MROH9: variants seen among roughly 807,000 people sequenced by gnomAD.
The protein encoded by MROH9 is maestro heat like repeat family member 9.
In MROH9, 92 loss-of-function variants were observed where a neutral mutation model predicts 98.2. The observed-to-expected ratio is 0.94, with a 90% CI of 0.79 to 1.11. MROH9 has a LOEUF of 1.11. Ranked by LOEUF, MROH9 falls within the 50% of genes most tolerant of loss-of-function variation. The probability of loss-of-function intolerance (pLI) is 0.00; values close to 1 mark genes in which losing one functional copy is unlikely to be tolerated. For missense variants in MROH9, 1,057 were observed against 1,014.8 expected (o/e 1.04, Z -0.57); for synonymous variants, 397 against 368.9 (o/e 1.08, Z -0.87).
chr1:170,996,406 C>T lies in MROH9; in HGVS notation c.1338-101C>T, dbSNP rs190929627. 3.7e-4 allele frequency: 500 copies of T among 1,346,916 alleles called. 1 individual carries two copies. Among genetic ancestry groups the T allele is most frequent in the Non-Finnish European group, 4.5e-4 (437 of 976,404 alleles). The allele number at this position is 1,346,916 out of a possible 1,614,324, so 83.4% of individuals were successfully genotyped here. A position where few individuals can be genotyped will look rare whatever the true frequency, so the allele number is the denominator to read the frequency against. ...CATTGAGACATCCCCTTTCTCAAAA[C>T]CTATATTCTGCCCAAGATGGGATTA... is the stretch of plus-strand genomic sequence containing the variant. On this transcript the variant is annotated intron_variant, in intron 13 of 21. Transcript: ENST00000367759.
chr1:171,017,279 G>A (rs1223385254), intron 17 of MROH9, among the ~76,000 whole-genome samples: 4 of 152,188 alleles, frequency 2.6e-5, no homozygotes, highest in South Asian at 2.1e-4. Flanking sequence ...ACTAGGCAGC[G>A]GGCATGACCC....
At chr1:171,024,318 G>GTT (rs1271111187) in intron 17 of MROH9, 77 bp from the exon 18 acceptor site, 5 of 953,922 alleles carry the variant, frequency 5.2e-6, no homozygotes, top group Non-Finnish European at 8.2e-6. Flanking sequence ...GTGTGTGTGT[G>GTT]TGTGTGTGTG....
chr1:170,935,982 CAAAAAA>C (rs59883013), intron 1 of MROH9, among the ~76,000 whole-genome samples: 219 of 62,226 alleles, frequency 3.5e-3, no homozygotes, highest in Non-Finnish European at 4.5e-3. Context: ...CAGAGTGAGA[CAAAAAA>C]AAAAAAAAAA....
chr1:170,986,772 T>G, intron 10 of MROH9, 62 bp downstream of exon 10: 1 of 1,502,834 alleles, frequency 6.7e-7, no homozygotes, highest in African/African-American at 1.4e-5. Flanking sequence ...CATTTTTGCC[T>G]GTGTTGTATG....
chr1:170,976,627 A>T (rs866261899), intron 8 of MROH9, among the ~76,000 whole-genome samples: 2 of 152,216 alleles, frequency 1.3e-5, no homozygotes, highest in Middle Eastern at 6.8e-3. Context: ...TGTGCCTGTA[A>T]TCCCAGCTAC....
intron 8 of MROH9, among the ~76,000 whole-genome samples, chr1:170,973,648 G>A (rs931133742): frequency 6.6e-6 from 1 of 152,144 alleles, no homozygotes; most frequent in African/African-American, 2.4e-5. Context: ...GGCCGAGGCG[G>A]GCAGATCACC....
chr1:170,971,950 G>T (rs1650477867), intron 8 of MROH9, 67 bp downstream of exon 8: 1 of 1,527,386 alleles, frequency 6.5e-7, no homozygotes, highest in East Asian at 2.3e-5. Context: ...CAACTTATAG[G>T]TCCTGGGAAG....
At chr1:171,033,919 G>A (rs1653012725) in intron 20 of MROH9, among the ~76,000 whole-genome samples, 1 of 151,848 alleles carries the variant, frequency 6.6e-6, no homozygotes, top group African/African-American at 2.4e-5. Context: ...CTGAGATAAG[G>A]AATCATTTTT....
At chr1:171,006,628 C>A (rs995737563) in intron 15 of MROH9, among the ~76,000 whole-genome samples, 1 of 151,520 alleles carries the variant, frequency 6.6e-6, no homozygotes, top group Non-Finnish European at 1.5e-5. Flanking sequence ...TAATAGTGTC[C>A]CTTACATCCC....
intron 4 of MROH9, 32 bp from the exon 5 acceptor site, chr1:170,959,430 C>T: frequency 6.4e-7 from 1 of 1,552,340 alleles, no homozygotes; most frequent in Non-Finnish European, 8.7e-7. Flanking sequence ...TTTGTTTTCT[C>T]ATCATTAATA....
intron 8 of MROH9, among the ~76,000 whole-genome samples, chr1:170,981,588 A>G (rs1236566420): frequency 6.6e-6 from 1 of 152,008 alleles, no homozygotes; most frequent in East Asian, 1.9e-4. Flanking sequence ...GAGGGGAACA[A>G]CACACACCAG....
At chr1:171,059,036 A>G (rs1653936424) in intron 20 of MROH9, among the ~76,000 whole-genome samples, 1 of 152,252 alleles carries the variant, frequency 6.6e-6, no homozygotes, top group Non-Finnish European at 1.5e-5. Flanking sequence ...AGAAACTATC[A>G]TTAGGGTGAA....
intron 20 of MROH9, among the ~76,000 whole-genome samples, chr1:171,035,975 A>G (rs1653086219): frequency 6.6e-6 from 1 of 152,204 alleles, no homozygotes; most frequent in Non-Finnish European, 1.5e-5. Context: ...AAGCAGCATT[A>G]CTAGTTATAA....
chr1:171,062,419 G>A (rs1416677919), intron 21 of MROH9, among the ~76,000 whole-genome samples: 2 of 152,106 alleles, frequency 1.3e-5, no homozygotes, highest in Non-Finnish European at 2.9e-5. Flanking sequence ...CCCTGTTTCA[G>A]TCTCTCCATG....
chr1:171,028,346 G>A (rs1160222676), intron 20 of MROH9, among the ~76,000 whole-genome samples: 1 of 152,122 alleles, frequency 6.6e-6, no homozygotes. Context: ...TAGATGTGTG[G>A]TGTTATTTCT....
chr1:171,053,491 A>G (rs892149662), intron 20 of MROH9, among the ~76,000 whole-genome samples: 7 of 152,208 alleles, frequency 4.6e-5, no homozygotes, highest in African/African-American at 1.7e-4. Context: ...GCAAAAATAA[A>G]TCCCCTCTGA....
At chr1:170,981,201 T>C (rs1306383439) in intron 8 of MROH9, among the ~76,000 whole-genome samples, 1 of 152,220 alleles carries the variant, frequency 6.6e-6, no homozygotes. Context: ...GAAAACAGTA[T>C]GGTGATTCCT....
At position 170,996,168 on chromosome 1, in the gene MROH9, C is replaced by T. The variant is rs377527416; in HGVS notation, c.1338-339C>T. Among the ~76,000 whole-genome samples the T allele has an allele frequency of 4.9e-4, 75 of 152,218 alleles. No individual in the cohort carries two copies. In the South Asian group the frequency reaches 0.014, roughly 29 times the overall value. On this transcript the variant is annotated intron_variant, in intron 13 of 21. Coordinates refer to ENST00000367759, the MANE Select transcript of MROH9 (RefSeq NM_001163629.2). ...CATCCCAACTAGATAAGAATATATC[C>T]TATTCATTTAATAGAAGAAAATGGA...
At position 170,958,506 on chromosome 1, in the gene MROH9, A is replaced by G. The variant is rs901345675; in HGVS notation, c.118A>G (p.Ser40Gly). 6.3e-7 allele frequency: 1 copy of G among 1,596,998 alleles called. No individual in the cohort carries two copies. The highest frequency in any genetic ancestry group is 8.6e-7 in the Non-Finnish European group (1 of 1,167,686). The change falls in exon 4 of 22, where the codon AGT becomes GGT. Residue 40 changes from serine (S) to glycine (G), a missense_variant. By Grantham distance (56) the Ser-to-Gly change is moderately conservative (BLOSUM62 0). Transcript: ENST00000367759. ...ATTGGATGCATACTCAGGCCTGTTA[A>G]GTAATGAATCCATGATCCTGGCTGT... ...SLLDAYSGLL[S>G]NESMILAVNS...
Sources: allele counts gnomAD v4.1 joint callset (sites outside exome capture counted in the v4.1 genomes callset), GRCh38; gene constraint gnomAD v4.1.1; transcripts MANE v1.5; gene names NCBI Gene and HGNC (gene_info 2026-07-23, HGNC 2026-07-21).